Variants in NPEPPS observed in about 807,000 individuals in gnomAD.
The protein encoded by NPEPPS is aminopeptidase puromycin sensitive.
Under a neutral mutation model 115.5 loss-of-function variants are expected in NPEPPS, and 14 were observed. That is an observed-to-expected ratio of 0.12 (90% CI 0.08 to 0.19). NPEPPS has a LOEUF of 0.19. Among genes scored for constraint, NPEPPS ranks in the 10% least tolerant of loss-of-function variants. NPEPPS has a pLI of 1.00. For missense variants in NPEPPS, 523 were observed against 1,110.8 expected (o/e 0.47, Z 7.52); for synonymous variants, 285 against 390.6 (o/e 0.73, Z 3.19).
upstream of NPEPPS, among the ~76,000 whole-genome samples, chr17:47,526,827 G>T (rs1221983327): frequency 6.6e-6 from 1 of 151,898 alleles, no homozygotes; most frequent in African/African-American, 2.4e-5. Flanking sequence ...GCTTGGTGGC[G>T]GGTGCCTGTA....
chr17:47,552,011 C>T (rs1274321129), intron 2 of NPEPPS, among the ~76,000 whole-genome samples: 4 of 100,268 alleles, frequency 4.0e-5, no homozygotes, highest in Non-Finnish European at 6.0e-5. Context: ...CTTTCTCTGT[C>T]ATCCAGGCTG....
At position 47,524,332 on chromosome 17, in the gene NPEPPS, AAAAC is replaced by A. The variant is rs544992521; in HGVS notation, c.77+1275_77+1278del. On this transcript the variant is annotated intron_variant, in intron 1 of 5. Coordinates refer to the NPEPPS transcript ENST00000525007. ...CTCAAAAAAAAAAATAAACCAAACCAAAACAAACAGAGACAGGATTTCACTCTGT... is the reference window on the plus strand; with the variant it reads ...CTCAAAAAAAAAAATAAACCAAACCAAAACAGAGACAGGATTTCACTCTGT... Among the ~76,000 whole-genome samples, 258 of 151,400 alleles carry A rather than the reference AAAAC, an allele frequency of 1.7e-3. 1 individual carries two copies. The highest frequency in any genetic ancestry group is 5.9e-3 in the African/African-American group (246 of 41,372).
chr17:47,614,268 T>C (rs906914987), intron 19 of NPEPPS, among the ~76,000 whole-genome samples: 2 of 152,150 alleles, frequency 1.3e-5, no homozygotes, highest in African/African-American at 2.4e-5. Context: ...TGTGCCCAGC[T>C]GAAATTTTAA....
chr17:47,606,495 T>G (rs1233968860), intron 17 of NPEPPS, among the ~76,000 whole-genome samples: 1 of 151,916 alleles, frequency 6.6e-6, no homozygotes, highest in Non-Finnish European at 1.5e-5. Context: ...TTCACTCTTG[T>G]CACCCAGGCT....
At chr17:47,543,236 G>A (rs1267634576) in intron 1 of NPEPPS, among the ~76,000 whole-genome samples, 1 of 151,052 alleles carries the variant, frequency 6.6e-6, no homozygotes, top group Admixed American at 6.6e-5. Context: ...ACACACACAC[G>A]AGAAAAGATG....
intron 4 of NPEPPS, chr17:47,580,206 A>G (rs1265636288): frequency 6.6e-6 from 1 of 152,014 alleles, no homozygotes; most frequent in Admixed American, 6.6e-5. Context: ...ATAACCTAAA[A>G]TTTTTTATCC....
chr17:47,529,735 CATTATATATATA>C (rs1420340145), upstream of NPEPPS, among the ~76,000 whole-genome samples: 7 of 19,012 alleles, frequency 3.7e-4, no homozygotes, highest in East Asian at 1.7e-3. Flanking sequence ...ATTTCAGTTA[CATTATATATATA>C]TATATATATA....
intron 1 of NPEPPS, among the ~76,000 whole-genome samples, chr17:47,542,806 A>G (rs970201392): frequency 6.6e-5 from 10 of 152,186 alleles, no homozygotes; most frequent in African/African-American, 2.4e-4. Context: ...TTAAAACAAC[A>G]AAATAAATGC....
chr17:47,561,072 C>T (rs1040242705), intron 2 of NPEPPS, among the ~76,000 whole-genome samples: 5 of 152,156 alleles, frequency 3.3e-5, no homozygotes, highest in African/African-American at 1.2e-4. Context: ...GCAGAATCCA[C>T]TAGATGCTTG....
At position 47,587,269 on chromosome 17, in the gene NPEPPS, T is replaced by C. The variant is rs534503932; in HGVS notation, c.1020T>C (p.Ser340=). Residue 340 remains serine, a synonymous_variant, in exon 9 of 23, where the codon TCT becomes TCC. Coordinates refer to ENST00000322157, the MANE Select transcript of NPEPPS (RefSeq NM_006310.4). ...ALLIDPKNSC[S]SSRQWVALVV... ...TTATTGATCCAAAAAATTCCTGTTC[T>C]TCATCCCGCCAGTGGGTTGCTCTGG... The C allele has an allele frequency of 6.2e-7, 1 of 1,606,860 alleles. No homozygotes were observed. The highest frequency in any genetic ancestry group is 1.7e-5 in the Admixed American group (1 of 58,432).
chr17:47,549,850 A>G (rs922256653), intron 2 of NPEPPS, among the ~76,000 whole-genome samples: 59 of 149,204 alleles, frequency 4.0e-4, no homozygotes, highest in African/African-American at 1.2e-3. Flanking sequence ...ATGTATGTGT[A>G]TATATATATA....
At position 47,622,557 on chromosome 17, in the gene NPEPPS, A is replaced by AT. The variant is rs747999757; in HGVS notation, c.*637_*638insT. 5 of 247,000 alleles carry AT rather than the reference A, an allele frequency of 2.0e-5. No homozygotes were observed. Among genetic ancestry groups the AT allele is most frequent in the Non-Finnish European group, 3.9e-5 (5 of 127,476 alleles). The allele number at this position is 247,000 out of a possible 1,614,324, so 15.3% of individuals were successfully genotyped here. A position where few individuals can be genotyped will look rare whatever the true frequency, so the allele number is the denominator to read the frequency against. On this transcript the variant is annotated 3_prime_UTR_variant, in exon 23 of 23. Coordinates refer to ENST00000322157, the MANE Select transcript of NPEPPS (RefSeq NM_006310.4). ...TGACCGACCCCTTGGCCAAAAAAAA[A>AT]CAAAAAGCAAAAAACAAAAACCTAC...
upstream of NPEPPS, among the ~76,000 whole-genome samples, chr17:47,529,937 TATTTA>T (rs1179656204): frequency 4.5e-5 from 6 of 132,022 alleles, no homozygotes; most frequent in East Asian, 8.7e-4. Flanking sequence ...TTTATTTATT[TATTTA>T]TTTATTTATT....
At chr17:47,588,241 A>G (rs1241213823) in intron 9 of NPEPPS, among the ~76,000 whole-genome samples, 1 of 152,172 alleles carries the variant, frequency 6.6e-6, no homozygotes, top group Non-Finnish European at 1.5e-5. Flanking sequence ...GATGTTTAAA[A>G]TTTTACAGGT....
intron 9 of NPEPPS, among the ~76,000 whole-genome samples, chr17:47,589,172 C>T (rs1196784027): frequency 6.6e-6 from 1 of 151,900 alleles, no homozygotes; most frequent in Non-Finnish European, 1.5e-5. Context: ...GTCTCAAACT[C>T]CTGGGCTCAA....
At chr17:47,578,442 G>A (rs1159912171) in intron 3 of NPEPPS, among the ~76,000 whole-genome samples, 4 of 151,102 alleles carry the variant, frequency 2.6e-5, no homozygotes, top group Admixed American at 6.6e-5. Flanking sequence ...ACGTTTTTTC[G>A]TGACTTGATT....
At chr17:47,551,174 T>G (rs531248230) in intron 2 of NPEPPS, among the ~76,000 whole-genome samples, 2 of 152,244 alleles carry the variant, frequency 1.3e-5, no homozygotes, top group Admixed American at 1.3e-4. Context: ...ATTTAACATT[T>G]TGGTGAATTT....
chr17:47,606,518 C>G (rs112100907), intron 17 of NPEPPS, among the ~76,000 whole-genome samples: 1 of 151,166 alleles, frequency 6.6e-6, no homozygotes, highest in African/African-American at 2.4e-5. Context: ...AACGCAGTGG[C>G]GCCATCTCGG....
chr17:47,596,866 A>T (rs1912910209), intron 13 of NPEPPS, among the ~76,000 whole-genome samples: 1 of 152,152 alleles, frequency 6.6e-6, no homozygotes, highest in Non-Finnish European at 1.5e-5. Flanking sequence ...CGGCCAATGT[A>T]GTAAAACCCT....
Sources: allele counts gnomAD v4.1 joint callset (sites outside exome capture counted in the v4.1 genomes callset), GRCh38; gene constraint gnomAD v4.1.1; transcripts MANE v1.5; gene names NCBI Gene and HGNC (gene_info 2026-07-23, HGNC 2026-07-21).